PRELID2: variants seen among roughly 807,000 people sequenced by gnomAD.
PRELID2 encodes the protein PRELI domain containing 2, also known as PRELI domain-containing protein 2.
In PRELID2, 25 loss-of-function variants were observed where a neutral mutation model predicts 28.4. That is an observed-to-expected ratio of 0.88 (90% CI 0.64 to 1.23). PRELID2 has a LOEUF of 1.23. Ranked by LOEUF, PRELID2 falls within the 50% of genes most tolerant of loss-of-function variation. The probability of loss-of-function intolerance (pLI) is 0.00; values close to 1 mark genes in which losing one functional copy is unlikely to be tolerated. For missense variants in PRELID2, 201 were observed against 214.4 expected, an observed-to-expected ratio of 0.94 and a Z score of 0.39; for synonymous variants, 76 against 71.6, an observed-to-expected ratio of 1.06 and a Z score of -0.31.
the PRELID2 span, among the ~76,000 whole-genome samples, chr5:145,453,351 C>A: frequency 5.9e-5 from 9 of 152,160 alleles, no homozygotes; most frequent in African/African-American, 2.2e-4. Flanking sequence ...ATTCATCAGA[C>A]TTTATAAAAT....
At position 145,660,379 on chromosome 5, in the gene PRELID2, C is replaced by T. The variant is rs180965100; in HGVS notation, n.70+104552G>A. 4.1e-4 allele frequency among the ~76,000 whole-genome samples: 63 copies of T among 152,322 alleles called. 1 individual carries two copies. In the East Asian group the frequency reaches 0.012, roughly 28 times the overall value. ...TCCAGCCCAAGGCAGGACCACACTA[C>T]TGTGTCTTTCTTTCCTGTTCTGATC... On this transcript the variant is annotated intron_variant and non_coding_transcript_variant, in intron 1 of 2. Coordinates refer to the PRELID2 transcript ENST00000510259.
In PRELID2 at chr5:145,758,763, C is replaced by T. The variant is rs1423327187; in HGVS notation, c.*1773G>A. On this transcript the variant is annotated 3_prime_UTR_variant, in exon 7 of 7. Transcript: ENST00000683046. ...GGTCAAAGTGTGTTTTAGTTTCTAC[C>T]ATTATTTTTCCCTCCAACACAATTG... Among the ~76,000 whole-genome samples the T allele has an allele frequency of 2.0e-5, 3 of 152,064 alleles. No homozygotes were observed. The highest frequency in any genetic ancestry group is 7.2e-5 in the African/African-American group (3 of 41,406).
the PRELID2 span, among the ~76,000 whole-genome samples, chr5:145,302,817 T>C: frequency 6.6e-6 from 1 of 152,148 alleles, no homozygotes; most frequent in Non-Finnish European, 1.5e-5. Context: ...TTCCTAGTAG[T>C]AACAGTAGTA....
the PRELID2 span, among the ~76,000 whole-genome samples, chr5:145,296,342 T>TC: frequency 2.3e-5 from 2 of 88,592 alleles, no homozygotes; most frequent in African/African-American, 8.1e-5. Context: ...CCTTCCCCCC[T>TC]CCCCCCACCC....
chr5:145,771,170 T>G (rs1386399630), intron 5 of PRELID2, among the ~76,000 whole-genome samples: 1 of 152,090 alleles, frequency 6.6e-6, no homozygotes, highest in Admixed American at 6.5e-5. Context: ...TTTCCTATAT[T>G]TAGCTATGTT....
the PRELID2 span, among the ~76,000 whole-genome samples, chr5:145,348,607 T>G: frequency 6.6e-6 from 1 of 151,998 alleles, no homozygotes; most frequent in African/African-American, 2.4e-5. Flanking sequence ...TTCTTTTTCC[T>G]TTTTTAGGAT....
intron 1 of PRELID2, among the ~76,000 whole-genome samples, chr5:145,741,399 TAAAC>T (rs1756733985): frequency 1.9e-5 from 2 of 105,308 alleles, no homozygotes; most frequent in African/African-American, 4.3e-5. Context: ...TATTTATATA[TAAAC>T]AAAATTTATT....
chr5:145,639,332 G>C (rs535906077), intron 1 of PRELID2, among the ~76,000 whole-genome samples: 2 of 151,830 alleles, frequency 1.3e-5, no homozygotes, highest in Admixed American at 1.3e-4. Flanking sequence ...TAAGAAGAAA[G>C]AACACAGCTT....
the PRELID2 span, among the ~76,000 whole-genome samples, chr5:145,312,292 A>C: frequency 6.6e-6 from 1 of 152,132 alleles, no homozygotes; most frequent in Non-Finnish European, 1.5e-5. Context: ...TCGAGGCTGC[A>C]GTGAGCCAAG....
chr5:145,744,182 C>T (rs532758543), intron 1 of PRELID2, among the ~76,000 whole-genome samples: 26 of 152,336 alleles, frequency 1.7e-4, no homozygotes, highest in African/African-American at 5.8e-4. Flanking sequence ...TCTCCCTGGG[C>T]CTGAGCCCCT....
chr5:145,821,205 G>C lies in PRELID2; in HGVS notation c.134-1187C>G, dbSNP rs1393006785. ...TGTAAGTCCTCTTCTGTGTGTGTGT[G>C]TGTAAGTCCTCTTCTGTGTGTGTGT... On this transcript the variant is annotated intron_variant, in intron 2 of 6. Transcript: ENST00000683046. 3.4e-5 allele frequency among the ~76,000 whole-genome samples: 5 copies of C among 147,992 alleles called. 1 individual carries two copies. Among genetic ancestry groups the C allele is most frequent in the African/African-American group, 1.3e-4 (5 of 39,954 alleles).
chr5:145,732,784 T>C (rs1326473072), intron 1 of PRELID2, among the ~76,000 whole-genome samples: 5 of 152,050 alleles, frequency 3.3e-5, no homozygotes, highest in Non-Finnish European at 7.4e-5. Context: ...AGAGCAAGTA[T>C]TAAATAAAAC....
the PRELID2 span, among the ~76,000 whole-genome samples, chr5:145,294,292 A>C: frequency 6.6e-6 from 1 of 152,176 alleles, no homozygotes; most frequent in African/African-American, 2.4e-5. Context: ...CAGAATTTCT[A>C]AAATGCTAAT....
At chr5:145,516,616 T>C (rs1225973308) in intron 1 of PRELID2, among the ~76,000 whole-genome samples, 2 of 152,130 alleles carry the variant, frequency 1.3e-5, no homozygotes, top group African/African-American at 4.8e-5. Flanking sequence ...TTGACTTTCT[T>C]TACAGAGTAG....
intron 1 of PRELID2, among the ~76,000 whole-genome samples, chr5:145,603,140 G>A (rs913462774): frequency 4.9e-5 from 7 of 144,310 alleles, no homozygotes; most frequent in African/African-American, 2.1e-4. Flanking sequence ...TGTAATTGGA[G>A]TCCTGAAAGA....
the PRELID2 span, among the ~76,000 whole-genome samples, chr5:145,348,854 GAT>G: frequency 6.6e-6 from 1 of 152,104 alleles, no homozygotes; most frequent in Non-Finnish European, 1.5e-5. Context: ...CAAATGGAGA[GAT>G]ATCATTGTAC....
the PRELID2 span, among the ~76,000 whole-genome samples, chr5:145,325,840 T>G: frequency 0.66 from 101,067 of 152,008 alleles, 33,826 homozygotes; most frequent in East Asian, 0.89. Context: ...AGTAAAACTT[T>G]ATTTGCAGTT....
At chr5:145,550,424 A>T (rs1213800213) in intron 1 of PRELID2, among the ~76,000 whole-genome samples, 1 of 152,162 alleles carries the variant, frequency 6.6e-6, no homozygotes, top group African/African-American at 2.4e-5. Context: ...TAAAAATGTA[A>T]GATTAGCCAG....
Position 145,654,811 on chromosome 5 carries a change from T to A in PRELID2, n.70+110120A>T, listed in dbSNP as rs546457199. 5.0e-3 allele frequency among the ~76,000 whole-genome samples: 766 copies of A among 152,190 alleles called. 3 individuals carry two copies. The highest frequency in any genetic ancestry group is 0.014 in the Middle Eastern group (4 of 294). On this transcript the variant is annotated intron_variant and non_coding_transcript_variant, in intron 1 of 2. Coordinates refer to the PRELID2 transcript ENST00000510259. ...AATATCATACTGAATGGGCAAAAAC[T>A]GGAAGCATTCCCTTTGAAAACTGGC... is the stretch of plus-strand genomic sequence containing the variant.
Sources: allele counts gnomAD v4.1 joint callset (sites outside exome capture counted in the v4.1 genomes callset), GRCh38; gene constraint gnomAD v4.1.1; transcripts MANE v1.5; gene names NCBI Gene and HGNC (gene_info 2026-07-23, HGNC 2026-07-21).